MRTFB: variants seen among roughly 807,000 people sequenced by gnomAD.
MRTFB encodes the protein myocardin related transcription factor B.
A neutral mutation model predicts 104.2 loss-of-function variants in MRTFB; 29 were observed. That is an observed-to-expected ratio of 0.28 (90% CI 0.21 to 0.38). The LOEUF is 0.38. MRTFB is among the 10% of genes least tolerant of loss of function. The probability of loss-of-function intolerance (pLI) is 1.00; values close to 1 mark genes in which losing one functional copy is unlikely to be tolerated. For missense variants in MRTFB, 1,270 were observed against 1,341.6 expected, an observed-to-expected ratio of 0.95 and a Z score of 0.83; for synonymous variants, 535 against 519.5, an observed-to-expected ratio of 1.03 and a Z score of -0.41.
chr16:14,231,213 A>G (rs549421120), intron 8 of MRTFB, among the ~76,000 whole-genome samples: 6,356 of 151,300 alleles, frequency 0.042, 393 homozygotes, highest in African/African-American at 0.14. Flanking sequence ...CAGCACACCA[A>G]CATGGCACAT....
chr16:14,091,173 T>C (rs2035043024), intron 2 of MRTFB, among the ~76,000 whole-genome samples: 1 of 152,034 alleles, frequency 6.6e-6, no homozygotes, highest in African/African-American at 2.4e-5. Flanking sequence ...CGAGTCCAGG[T>C]GACAGTTGAT....
At chr16:14,196,077 G>C (rs528640816) in intron 3 of MRTFB, among the ~76,000 whole-genome samples, 1 of 152,200 alleles carries the variant, frequency 6.6e-6, no homozygotes. Flanking sequence ...CATATCACAA[G>C]AAGCATACTT....
chr16:14,136,761 T>C (rs541706378), intron 2 of MRTFB, among the ~76,000 whole-genome samples: 156 of 151,002 alleles, frequency 1.0e-3, no homozygotes, highest in Admixed American at 1.8e-3. Flanking sequence ...GGTTTTTTTT[T>C]TCCCCCTGTA....
intron 15 of MRTFB, among the ~76,000 whole-genome samples, chr16:14,256,209 C>CAA (rs2043485753): frequency 3.7e-5 from 4 of 109,284 alleles, no homozygotes; most frequent in African/African-American, 1.7e-4. Flanking sequence ...AAAAAAAAAA[C>CAA]CCCAGATGGG....
intron 2 of MRTFB, among the ~76,000 whole-genome samples, chr16:14,119,489 TCAAAATTTCACTTTTGAGAGATTGAC>T (rs2036728954): frequency 6.6e-6 from 1 of 152,196 alleles, no homozygotes. Flanking sequence ...GATCAGTCTC[TCAAAATTTCACTTTTGAGAGATTGAC>T]CAAAACTTTA....
intron 3 of MRTFB, among the ~76,000 whole-genome samples, chr16:14,163,246 T>C (rs1029013807): frequency 1.8e-4 from 27 of 152,182 alleles, no homozygotes; most frequent in Admixed American, 6.5e-4. Context: ...TTTGGATAGA[T>C]TTTCTTGGAA....
At chr16:14,122,911 T>C (rs2036925207) in intron 2 of MRTFB, among the ~76,000 whole-genome samples, 1 of 152,210 alleles carries the variant, frequency 6.6e-6, no homozygotes, top group Non-Finnish European at 1.5e-5. Context: ...CCACCAACAG[T>C]GTAAAAGCAT....
At chr16:14,241,928 C>T (rs1419386731) in intron 10 of MRTFB, among the ~76,000 whole-genome samples, 1 of 150,812 alleles carries the variant, frequency 6.6e-6, no homozygotes, top group East Asian at 1.9e-4. Context: ...CTTAGGGAGG[C>T]CTCCTCCACT....
chr16:14,130,549 C>T (rs1054532017), intron 2 of MRTFB, among the ~76,000 whole-genome samples: 4 of 152,208 alleles, frequency 2.6e-5, no homozygotes, highest in Non-Finnish European at 5.9e-5. Context: ...ATAGCCCAGA[C>T]TTGCCAGTGG....
At chr16:14,069,741 T>A (rs552285099), upstream of MRTFB, among the ~76,000 whole-genome samples, 1 of 152,160 alleles carries the variant, frequency 6.6e-6, no homozygotes, top group Admixed American at 6.5e-5. Flanking sequence ...CTGGACCTCC[T>A]AAGGTGCTGG....
chr16:14,041,787 G>A, the MRTFB span, among the ~76,000 whole-genome samples: 1 of 151,996 alleles, frequency 6.6e-6, no homozygotes, highest in East Asian at 1.9e-4. Flanking sequence ...TTAGCCAGGC[G>A]TGGTGGCACA....
In MRTFB at chr16:14,140,558, C is replaced by G. The variant is rs1055211833; in HGVS notation, c.-49C>G. On this transcript the variant is annotated 5_prime_UTR_variant, in exon 3 of 17. Transcript: ENST00000571589. ...TATTTTGGCAGTGTCTTCAATAGGC[C>G]GTGTTTAAGAGGCGTCTTACACTCC... is the stretch of plus-strand genomic sequence containing the variant. 1.0e-5 allele frequency: 16 copies of G among 1,604,280 alleles called. No individual in the cohort carries two copies. Among genetic ancestry groups the G allele is most frequent in the Non-Finnish European group, 1.4e-5 (16 of 1,173,184 alleles).
At chr16:14,101,933 G>A (rs2035725189) in intron 2 of MRTFB, among the ~76,000 whole-genome samples, 1 of 152,120 alleles carries the variant, frequency 6.6e-6, no homozygotes, top group Admixed American at 6.5e-5. Flanking sequence ...TAGAAAGTTT[G>A]AGTTCCTCTC....
intron 10 of MRTFB, among the ~76,000 whole-genome samples, chr16:14,244,719 T>A (rs1161854115): frequency 6.6e-6 from 1 of 151,940 alleles, no homozygotes; most frequent in Non-Finnish European, 1.5e-5. Context: ...CATCTGAGAT[T>A]TTTCCCCCCA....
intron 2 of MRTFB, among the ~76,000 whole-genome samples, chr16:14,096,107 C>T (rs747368200): frequency 5.9e-5 from 9 of 151,642 alleles, no homozygotes; most frequent in African/African-American, 1.2e-4. Context: ...AGACAAGTCT[C>T]GCTCTGTCTT....
intron 1 of MRTFB, among the ~76,000 whole-genome samples, chr16:14,075,843 G>T (rs138111758): frequency 6.6e-6 from 1 of 152,320 alleles, no homozygotes; most frequent in African/African-American, 2.4e-5. Flanking sequence ...TTAGACTCTG[G>T]TTTGTAGGTG....
the MRTFB span, among the ~76,000 whole-genome samples, chr16:14,029,048 G>C: frequency 6.6e-6 from 1 of 152,064 alleles, no homozygotes. Context: ...GACAGGTGCA[G>C]TGGCTCATAC....
intron 2 of MRTFB, among the ~76,000 whole-genome samples, chr16:14,100,902 T>G (rs983314237): frequency 6.6e-6 from 1 of 152,196 alleles, no homozygotes; most frequent in Non-Finnish European, 1.5e-5. Flanking sequence ...TATGATGACG[T>G]TGCCTCTCTC....
the MRTFB span, among the ~76,000 whole-genome samples, chr16:14,021,831 T>C: frequency 6.6e-6 from 1 of 152,232 alleles, no homozygotes; most frequent in African/African-American, 2.4e-5. Context: ...TGATGGGTAT[T>C]TGGGCTGGTT....
Sources: allele counts gnomAD v4.1 joint callset (sites outside exome capture counted in the v4.1 genomes callset), GRCh38; gene constraint gnomAD v4.1.1; transcripts MANE v1.5; gene names NCBI Gene and HGNC (gene_info 2026-07-23, HGNC 2026-07-21).